Variants in UVSSA observed in about 807,000 individuals in gnomAD.
UVSSA encodes UV-stimulated scaffold protein A.
In UVSSA, 72 loss-of-function variants were observed where a neutral mutation model predicts 73.9. That is an observed-to-expected ratio of 0.97 (90% CI 0.81 to 1.19). UVSSA has a LOEUF of 1.19. Among genes scored for constraint, UVSSA ranks in the 50% most tolerant of loss-of-function variants. UVSSA has a pLI of 0.00. For missense variants in UVSSA, 1,150 were observed against 965.0 expected, an observed-to-expected ratio of 1.19 and a Z score of -2.54; for synonymous variants, 454 against 391.3, an observed-to-expected ratio of 1.16 and a Z score of -1.89.
intron 10 of UVSSA, among the ~76,000 whole-genome samples, chr4:1,379,261 C>T (rs745648063): frequency 6.6e-6 from 1 of 152,212 alleles, no homozygotes; most frequent in African/African-American, 2.4e-5. Context: ...GCTGTGTGTC[C>T]TAGAAGGAGG....
chr4:1,366,318 A>C lies in UVSSA; in HGVS notation c.1177-2A>C. 5.0e-6 allele frequency: 8 copies of C among 1,608,586 alleles called. No individual in the cohort carries two copies. Among genetic ancestry groups the C allele is most frequent in the Non-Finnish European group, 6.8e-6 (8 of 1,177,294 alleles). ...GATTTGTATTGGGGTGTTTTTCCAC[A>C]GACAGAAGCCCTGGGGGATGCGGAG... On this transcript the variant is annotated splice_acceptor_variant, in intron 7 of 13. Coordinates refer to ENST00000389851, the MANE Select transcript of UVSSA (RefSeq NM_020894.4). LOFTEE classifies it high-confidence loss of function.
rs1317605905 is a variant in UVSSA at position 1,372,767 on chromosome 4, T to TCC, written c.1289-2596_1289-2595insCC. Among the ~76,000 whole-genome samples the TCC allele has an allele frequency of 5.0e-3, 251 of 50,384 alleles. 19 individuals carry two copies. The highest frequency in any genetic ancestry group is 0.015 in the African/African-American group (149 of 10,168). The allele number at this position is 50,384 out of a possible 152,430, so 33.1% of individuals were successfully genotyped here. A position where few individuals can be genotyped will look rare whatever the true frequency, so the allele number is the denominator to read the frequency against. On this transcript the variant is annotated intron_variant, in intron 8 of 13. Coordinates refer to ENST00000389851, the MANE Select transcript of UVSSA (RefSeq NM_020894.4). ...CGCGTCCCTGCACTCACCTCCCGCG[T>TCC]CTCAGGGCACTCACCTCCCGCGTCC... is the stretch of plus-strand genomic sequence containing the variant.
chr4:1,369,969 T>C (rs998713034), intron 8 of UVSSA, among the ~76,000 whole-genome samples: 2 of 151,858 alleles, frequency 1.3e-5, no homozygotes, highest in African/African-American at 4.8e-5. Context: ...GAAAATGCCC[T>C]CAGTGCCTGA....
intron 5 of UVSSA, 115 bp downstream of exon 5, chr4:1,353,528 G>T (rs1715142663): frequency 2.9e-6 from 4 of 1,357,792 alleles, no homozygotes; most frequent in African/African-American, 2.9e-5. Context: ...CCCCTGGGGA[G>T]CTAGGTCAGG....
Position 1,362,361 on chromosome 4 carries a change from G to C in UVSSA, c.1177-3959G>C, listed in dbSNP as rs565989248. ...AGCCTTGGGAGGCTTCCAATGCCCCGCAGGGGACTTGGCCCATTAGGGAAG... is the reference window on the plus strand; with the variant it reads ...AGCCTTGGGAGGCTTCCAATGCCCCCCAGGGGACTTGGCCCATTAGGGAAG... On this transcript the variant is annotated intron_variant, in intron 7 of 13. Coordinates refer to ENST00000389851, the MANE Select transcript of UVSSA (RefSeq NM_020894.4). 3.3e-5 allele frequency among the ~76,000 whole-genome samples: 5 copies of C among 152,304 alleles called. No individual in the cohort carries two copies. In the South Asian group the frequency reaches 6.2e-4, roughly 19 times the overall value.
At position 1,353,132 on chromosome 4, in the gene UVSSA, G is replaced by A. The variant is rs917566736; in HGVS notation, c.653G>A (p.Gly218Asp). 1 of 1,612,956 alleles carries A rather than the reference G, an allele frequency of 6.2e-7. No individual in the cohort carries two copies. The highest frequency in any genetic ancestry group is 1.3e-5 in the African/African-American group (1 of 74,958). The stretch of plus-strand genomic sequence containing the variant: ...CCGAACCCGGAGACGGAATCCCTTG[G>A]CATGGCTTCTGGCATGTCCGATGCC... ...FDPNPETESL[G>D]MASGMSDALR... The change falls in exon 5 of 14, where the codon GGC becomes GAC. Residue 218 changes from glycine to aspartate, a missense_variant. Coordinates refer to ENST00000389851, the MANE Select transcript of UVSSA (RefSeq NM_020894.4).
chr4:1,361,417 A>G lies in UVSSA; in HGVS notation c.1177-4903A>G, dbSNP rs774189737. ...GCGTGTTGATGAGTGTAGATTTTAT[A>G]GTAAAGAACCAGTCATTCTAGAAAG... On this transcript the variant is annotated intron_variant, in intron 7 of 13. Coordinates refer to ENST00000389851, the MANE Select transcript of UVSSA (RefSeq NM_020894.4). 2.0e-5 allele frequency among the ~76,000 whole-genome samples: 3 copies of G among 151,864 alleles called. No homozygotes were observed. The East Asian group carries it at 5.8e-4, about 29-fold the overall frequency.
chr4:1,376,982 A>G (rs1246370954), intron 10 of UVSSA, among the ~76,000 whole-genome samples: 6 of 152,194 alleles, frequency 3.9e-5, no homozygotes, highest in Non-Finnish European at 5.9e-5. Flanking sequence ...CAGGTGTGAC[A>G]CGGAATATTG....
exon 14 of UVSSA, chr4:1,394,815 A>G: frequency 6.9e-7 from 1 of 1,447,358 alleles, no homozygotes; most frequent in East Asian, 2.6e-5. Context: ...ACACGTGCCC[A>G]TGTGGAGTGC....
At chr4:1,351,557 T>G (rs1381853714) in intron 3 of UVSSA, among the ~76,000 whole-genome samples, 158 bp from the exon 4 acceptor site, 1 of 144,562 alleles carries the variant, frequency 6.9e-6, no homozygotes, top group Non-Finnish European at 1.5e-5. Context: ...GGCTAATTTT[T>G]TTTTTGTATT....
chr4:1,391,431 ATCC>A (rs1284697269), downstream of UVSSA: 1 of 152,140 alleles, frequency 6.6e-6, no homozygotes, highest in Admixed American at 6.5e-5. Flanking sequence ...GAGGTATTGA[ATCC>A]TTCAGTTTTG....
downstream of UVSSA, chr4:1,390,623 A>C (rs1412077811): frequency 1.3e-5 from 2 of 152,264 alleles, no homozygotes; most frequent in African/African-American, 4.8e-5. Flanking sequence ...TGGCTAAAAA[A>C]CATAGATTGT....
intron 7 of UVSSA, chr4:1,356,487 C>G (rs990471909): frequency 6.6e-6 from 1 of 152,224 alleles, no homozygotes; most frequent in East Asian, 1.9e-4. Flanking sequence ...GGTGTGTGGC[C>G]GCGTTTGTGG....
rs764891315 is a variant in UVSSA, at chr4:1,380,063, C to T, written c.1585C>T (p.Arg529Cys). The T allele has an allele frequency of 9.3e-6, 15 of 1,608,526 alleles. No individual in the cohort carries two copies. The highest frequency in any genetic ancestry group is 4.5e-5 in the East Asian group (2 of 44,706). Residue 529 changes from arginine (R) to cysteine (C), a missense_variant, in exon 11 of 14, where the codon CGC becomes TGC. Physicochemically the swap from Arg to Cys is radical, Grantham distance 180. Transcript: ENST00000389851. ...GKIVKSDSQH[R>C]FWKPSEVEEE... ...TGTCTGCAGGTCTGACTCCCAGCAC[C>T]GCTTCTGGAAGCCCAGCGAGGTGGA...
intron 8 of UVSSA, among the ~76,000 whole-genome samples, chr4:1,371,137 TGTAA>T (rs980549977): frequency 2.0e-5 from 3 of 152,182 alleles, no homozygotes; most frequent in African/African-American, 4.8e-5. Flanking sequence ...ACAGCATGCC[TGTAA>T]GTACTTGTGT....
At chr4:1,375,552 G>A in intron 9 of UVSSA, 44 bp downstream of exon 9, 1 of 1,588,052 alleles carries the variant, frequency 6.3e-7, no homozygotes, top group Non-Finnish European at 8.5e-7. Context: ...GCCCGGCGCT[G>A]CCACAGCCTC....
Position 1,351,725 on chromosome 4 carries a change from A to C in UVSSA, c.440A>C (p.Gln147Pro), listed in dbSNP as rs2109075424. ...TTTTCAATTGCTCAGGTGGATTTTC[A>C]AGACACGAATGCTCGGAGTCTGGCA... ...FLRHNKKVDFQDTNARSLAER... is the reference protein window; with the variant it reads ...FLRHNKKVDFPDTNARSLAER... The change falls in exon 4 of 14, where the codon CAA becomes CCA. Residue 147 changes from glutamine to proline, a missense_variant. Transcript: ENST00000389851. The C allele has an allele frequency of 6.2e-7, 1 of 1,613,236 alleles. No homozygotes were observed. Among genetic ancestry groups the C allele is most frequent in the African/African-American group, 1.3e-5 (1 of 75,038 alleles).
intron 12 of UVSSA, among the ~76,000 whole-genome samples, chr4:1,383,079 ACT>A: frequency 6.6e-6 from 1 of 152,128 alleles, no homozygotes; most frequent in East Asian, 1.9e-4. Context: ...CACGGTGGGT[ACT>A]CTCAGCCTGG....
At chr4:1,346,039 A>C (rs997135704), upstream of UVSSA, among the ~76,000 whole-genome samples, 26 of 152,122 alleles carry the variant, frequency 1.7e-4, no homozygotes, top group Middle Eastern at 3.2e-3. Flanking sequence ...GGTGAGGCGG[A>C]GGAGCGGCTC....
Sources: gnomAD v4.1 joint callset for allele counts (sites outside exome capture counted in the v4.1 genomes callset) on GRCh38, gnomAD v4.1.1 for gene constraint, MANE v1.5 for transcripts, NCBI Gene and HGNC (gene_info 2026-07-23, HGNC 2026-07-21) for gene names.